The following MLIP variants were observed in gnomAD, a reference collection of about 807,000 sequenced individuals.
MLIP encodes the protein muscular LMNA interacting protein.
MLIP carries 79 observed loss-of-function variants against 84.8 expected under a neutral mutation model. That is an observed-to-expected ratio of 0.93 (90% CI 0.78 to 1.12). The LOEUF (loss-of-function observed/expected upper bound fraction) is 1.12, where lower values mean the gene tolerates loss of function less well. Among genes scored for constraint, MLIP ranks in the 50% most tolerant of loss-of-function variants. The probability of loss-of-function intolerance (pLI) is 0.00; values close to 1 mark genes in which losing one functional copy is unlikely to be tolerated. For synonymous variants in MLIP, 504 were observed against 463.0 expected (o/e 1.09, Z -1.14); for missense variants, 1,257 against 1,160.6 (o/e 1.08, Z -1.21).
chr6:54,031,048 T>G (rs902205271), intron 1 of MLIP, among the ~76,000 whole-genome samples: 1 of 152,184 alleles, frequency 6.6e-6, no homozygotes, highest in Non-Finnish European at 1.5e-5. Context: ...AATGCTTCTT[T>G]TATAGATCAT....
In MLIP at chr6:54,266,053, G is replaced by T. The variant is rs113674690; in HGVS notation, c.*98G>T. 7.8e-3 allele frequency: 9,703 copies of T among 1,242,258 alleles called. 481 individuals carry two copies. The African/African-American group carries it at 0.12, about 16-fold the overall frequency. The allele number at this position is 1,242,258 out of a possible 1,614,324, so 77.0% of individuals were successfully genotyped here. A position where few individuals can be genotyped will look rare whatever the true frequency, so the allele number is the denominator to read the frequency against. Reference sequence around the variant, plus strand: ...TAACTTTTTTTTTTTTTTCCAGAATGAGTGCTCCCTTTATGAGCTGCAGTG... The same window carrying T: ...TAACTTTTTTTTTTTTTTCCAGAATTAGTGCTCCCTTTATGAGCTGCAGTG... On this transcript the variant is annotated 3_prime_UTR_variant, in exon 14 of 14. Coordinates refer to ENST00000502396, the MANE Select transcript of MLIP (RefSeq NM_001281747.2).
At chr6:54,135,911 T>C (rs1771758673) in intron 3 of MLIP, among the ~76,000 whole-genome samples, 2 of 152,304 alleles carry the variant, frequency 1.3e-5, no homozygotes, top group Admixed American at 6.5e-5. Flanking sequence ...ATTTCCTCTT[T>C]ATTTGGTTTC....
intron 1 of MLIP, among the ~76,000 whole-genome samples, chr6:54,038,672 C>A (rs150473375): frequency 8.6e-4 from 130 of 151,918 alleles, no homozygotes; most frequent in African/African-American, 3.0e-3. Context: ...GAAAACCATT[C>A]TTTCTGACAC....
At chr6:54,262,928 A>G (rs1037929577) in intron 13 of MLIP, among the ~76,000 whole-genome samples, 1 of 152,084 alleles carries the variant, frequency 6.6e-6, no homozygotes, top group African/African-American at 2.4e-5. Context: ...GTTCTGAAGT[A>G]GCCAATAAAA....
chr6:54,212,439 C>G (rs1779522664), intron 11 of MLIP, among the ~76,000 whole-genome samples: 1 of 152,080 alleles, frequency 6.6e-6, no homozygotes, highest in South Asian at 2.1e-4. Flanking sequence ...TTATTTAGGT[C>G]ACATGTTTGG....
chr6:54,130,168 C>A (rs1393789995), intron 3 of MLIP, among the ~76,000 whole-genome samples: 1 of 152,050 alleles, frequency 6.6e-6, no homozygotes, highest in Admixed American at 6.6e-5. Flanking sequence ...TCCCTATAGT[C>A]CCTGAATGGT....
intron 1 of MLIP, among the ~76,000 whole-genome samples, chr6:54,078,908 C>A (rs936923064): frequency 3.9e-5 from 6 of 152,036 alleles, no homozygotes; most frequent in Non-Finnish European, 7.4e-5. Context: ...CCAGGCTGGT[C>A]TCAAACTCCT....
At chr6:54,025,209 G>A (rs1763731910) in intron 1 of MLIP, among the ~76,000 whole-genome samples, 1 of 152,040 alleles carries the variant, frequency 6.6e-6, no homozygotes, top group African/African-American at 2.4e-5. Flanking sequence ...TTCTAATTGT[G>A]TCTAACTAGA....
intron 3 of MLIP, among the ~76,000 whole-genome samples, chr6:54,131,259 G>A (rs1434599867): frequency 1.3e-5 from 2 of 152,180 alleles, no homozygotes; most frequent in African/African-American, 2.4e-5. Context: ...GTGTCAGTCA[G>A]GTTGGCAGAA....
chr6:54,244,181 G>A (rs1009819755), intron 12 of MLIP, among the ~76,000 whole-genome samples: 1 of 152,020 alleles, frequency 6.6e-6, no homozygotes, highest in African/African-American at 2.4e-5. Flanking sequence ...AAATCCGTGT[G>A]AATAAACCAG....
chr6:54,115,364 A>G (rs962385578), intron 1 of MLIP, among the ~76,000 whole-genome samples: 2 of 152,164 alleles, frequency 1.3e-5, no homozygotes, highest in Non-Finnish European at 2.9e-5. Context: ...GGTTAAGAAG[A>G]CAAATGTAGG....
At chr6:54,101,230 A>C (rs1768619653) in intron 1 of MLIP, among the ~76,000 whole-genome samples, 1 of 152,228 alleles carries the variant, frequency 6.6e-6, no homozygotes, top group South Asian at 2.1e-4. Flanking sequence ...TTTTGGAGTA[A>C]AAATATTAAG....
intron 3 of MLIP, among the ~76,000 whole-genome samples, chr6:54,129,863 A>G (rs1771238197): frequency 6.6e-6 from 1 of 152,204 alleles, no homozygotes. Context: ...TTCAGATTCT[A>G]CATGGGCCTT....
At chr6:54,143,001 C>A (rs531970590) in intron 4 of MLIP, among the ~76,000 whole-genome samples, 2 of 152,202 alleles carry the variant, frequency 1.3e-5, no homozygotes, top group East Asian at 1.9e-4. Context: ...ACTCCACTCC[C>A]TTCACAAAGT....
At position 54,266,231 on chromosome 6, in the gene MLIP, G is replaced by A. The variant is rs775551955; in HGVS notation, c.*276G>A. On this transcript the variant is annotated 3_prime_UTR_variant, in exon 14 of 14. Coordinates refer to ENST00000502396, the MANE Select transcript of MLIP (RefSeq NM_001281747.2). ...ATATTAAGCTGACCGCAATACTAAC[G>A]TGCCCCTATATTTGGCAGCCAAATA... 100 of 353,374 alleles carry A rather than the reference G, an allele frequency of 2.8e-4. No homozygotes were observed. Among genetic ancestry groups the A allele is most frequent in the African/African-American group, 1.9e-3 (89 of 47,806 alleles). The allele number at this position is 353,374 out of a possible 1,614,324, so 21.9% of individuals were successfully genotyped here.
intron 1 of MLIP, among the ~76,000 whole-genome samples, chr6:54,114,400 C>G (rs1428872317): frequency 6.6e-6 from 1 of 152,186 alleles, no homozygotes; most frequent in Non-Finnish European, 1.5e-5. Context: ...CTATTGTCTT[C>G]CCCATTTCAG....
chr6:54,215,322 T>TG, intron 11 of MLIP: 1 of 1,373,976 alleles, frequency 7.3e-7, no homozygotes, highest in Non-Finnish European at 9.3e-7. Flanking sequence ...TTGTGATTTT[T>TG]GAAAAAATCA....
In MLIP at chr6:54,140,814, A is replaced by G. The variant is rs79944593; in HGVS notation, c.2217+2528A>G. Among the ~76,000 whole-genome samples, 373 of 152,314 alleles carry G rather than the reference A, an allele frequency of 2.4e-3. 1 individual carries two copies. The highest frequency in any genetic ancestry group is 8.4e-3 in the African/African-American group (348 of 41,570). ...TTTGGCTAGTGTTTAAATTGGTAAC[A>G]TTATTTTACAGAATGATAGGAAGAA... is the stretch of plus-strand genomic sequence containing the variant. On this transcript the variant is annotated intron_variant, in intron 4 of 13. Transcript: ENST00000502396.
chr6:54,108,066 G>A (rs1253137566), upstream of MLIP, among the ~76,000 whole-genome samples: 1 of 152,086 alleles, frequency 6.6e-6, no homozygotes, highest in Non-Finnish European at 1.5e-5. Flanking sequence ...GAAAGGTATT[G>A]CAGTAATATC....
Sources: gnomAD v4.1 joint callset for allele counts (sites outside exome capture counted in the v4.1 genomes callset) on GRCh38, gnomAD v4.1.1 for gene constraint, MANE v1.5 for transcripts, NCBI Gene and HGNC (gene_info 2026-07-23, HGNC 2026-07-21) for gene names.